Variants in RASGEF1C observed in about 807,000 individuals in gnomAD.
RASGEF1C encodes the protein RasGEF domain family member 1C, also known as ras-GEF domain-containing family member 1C.
A neutral mutation model predicts 58.1 loss-of-function variants in RASGEF1C; 27 were observed. The ratio of observed to expected loss-of-function variants is 0.46; its 90% CI spans 0.34 to 0.64. The LOEUF is 0.64. RASGEF1C is among the 30% of genes least tolerant of loss of function. RASGEF1C has a pLI of 0.01. For missense variants in RASGEF1C, 502 were observed against 605.1 expected (o/e 0.83, Z 1.79); for synonymous variants, 243 against 246.3 (o/e 0.99, Z 0.13).
chr5:180,130,629 C>A (rs2113269512), intron 4 of RASGEF1C, among the ~76,000 whole-genome samples: 1 of 152,346 alleles, frequency 6.6e-6, no homozygotes, highest in African/African-American at 2.4e-5. Context: ...GTTTCTCAGG[C>A]TGCGTCTTCC....
chr5:180,190,489 C>CAAAAAAAAAAAAAAAAAAAAAAA (rs869186264), intron 1 of RASGEF1C, among the ~76,000 whole-genome samples: 1 of 77,600 alleles, frequency 1.3e-5, no homozygotes, highest in African/African-American at 4.6e-5. Flanking sequence ...GACTCCGTCT[C>CAAAAAAAAAAAAAAAAAAAAAAA]AAAAAAAAAA....
At chr5:180,129,599 C>T (rs1766327913) in intron 4 of RASGEF1C, among the ~76,000 whole-genome samples, 1 of 152,208 alleles carries the variant, frequency 6.6e-6, no homozygotes, top group Non-Finnish European at 1.5e-5. Flanking sequence ...CTCTGTGTGT[C>T]TCAAAATCGC....
At chr5:180,167,474 G>A (rs1272979463) in intron 1 of RASGEF1C, among the ~76,000 whole-genome samples, 1 of 152,086 alleles carries the variant, frequency 6.6e-6, no homozygotes, top group East Asian at 1.9e-4. Context: ...GGGTGACAGA[G>A]TGAGACCCTG....
In RASGEF1C at chr5:180,101,060, T is replaced by C. The variant is rs766104196; in HGVS notation, c.*441A>G. On this transcript the variant is annotated 3_prime_UTR_variant, in exon 14 of 14. Transcript: ENST00000361132. Reference sequence around the variant, plus strand: ...TGGGCTCGGGGCTGGCGCAGGCATCTCACGTCGCACCGTGATGCCTGCTGT... The same window carrying C: ...TGGGCTCGGGGCTGGCGCAGGCATCCCACGTCGCACCGTGATGCCTGCTGT... The C allele has an allele frequency of 2.1e-4, 36 of 168,402 alleles. No individual in the cohort carries two copies. The highest frequency in any genetic ancestry group is 3.7e-4 in the South Asian group (2 of 5,340). 10.4% of individuals were successfully genotyped at this position (168,402 alleles called of 1,614,324 possible).
At chr5:180,136,732 T>A in intron 3 of RASGEF1C, 1 of 569,050 alleles carries the variant, frequency 1.8e-6, no homozygotes, top group Admixed American at 3.2e-5. Flanking sequence ...TGCTCTGGCC[T>A]TTCTGCGGTT....
intron 6 of RASGEF1C, among the ~76,000 whole-genome samples, chr5:180,124,563 G>A (rs1168387422): frequency 2.6e-5 from 4 of 151,996 alleles, no homozygotes; most frequent in Non-Finnish European, 2.9e-5. Flanking sequence ...AGTGGCTCAC[G>A]CCTGTAATCC....
intron 6 of RASGEF1C, among the ~76,000 whole-genome samples, chr5:180,121,784 G>T (rs1055518891): frequency 6.6e-6 from 1 of 152,062 alleles, no homozygotes; most frequent in African/African-American, 2.4e-5. Flanking sequence ...CTGTACACAC[G>T]TGTGCGGTGG....
At chr5:180,152,571 G>T (rs1191367847) in intron 1 of RASGEF1C, among the ~76,000 whole-genome samples, 22 of 111,336 alleles carry the variant, frequency 2.0e-4, no homozygotes, top group Non-Finnish European at 2.7e-4. Flanking sequence ...TGTGGGGTGG[G>T]GGGAGGGGGG....
rs116220894 is a variant in RASGEF1C at position 180,123,485 on chromosome 5, A to G, written c.715-2336T>C. ...CTTAAAAAATTTTTTGAAATAATCT[A>G]TGTTTCAAAGATGAAATCATAATGG... On this transcript the variant is annotated intron_variant, in intron 6 of 13. Coordinates refer to ENST00000361132, the MANE Select transcript of RASGEF1C (RefSeq NM_175062.4). Among the ~76,000 whole-genome samples, 486 of 152,330 alleles carry G rather than the reference A, an allele frequency of 3.2e-3. 2 individuals are homozygous for G. The highest frequency in any genetic ancestry group is 0.011 in the African/African-American group (464 of 41,568).
At chr5:180,190,469 G>A (rs1201148778) in intron 1 of RASGEF1C, among the ~76,000 whole-genome samples, 7 of 126,552 alleles carry the variant, frequency 5.5e-5, no homozygotes, top group African/African-American at 8.5e-5. Flanking sequence ...CAGACTGGGT[G>A]ACAGAGTGAG....
intron 1 of RASGEF1C, among the ~76,000 whole-genome samples, chr5:180,173,681 A>C (rs10059150): frequency 1.3e-5 from 2 of 151,284 alleles, no homozygotes; most frequent in African/African-American, 4.9e-5. Context: ...TTGGGAGGCC[A>C]AGGTGGGCAG....
chr5:180,126,355 G>A (rs183438558), intron 6 of RASGEF1C, among the ~76,000 whole-genome samples: 2,180 of 152,098 alleles, frequency 0.014, 22 homozygotes, highest in Non-Finnish European at 0.023. Context: ...TGCAGTGAGC[G>A]GAGACCGCGC....
chr5:180,160,743 G>C (rs17080050), intron 1 of RASGEF1C, among the ~76,000 whole-genome samples: 2,257 of 152,252 alleles, frequency 0.015, 58 homozygotes, highest in African/African-American at 0.052. Flanking sequence ...TCCAGTAAGG[G>C]TCTCACATCA....
chr5:180,109,861 C>T (rs1765929984), intron 12 of RASGEF1C, among the ~76,000 whole-genome samples: 1 of 152,138 alleles, frequency 6.6e-6, no homozygotes, highest in African/African-American at 2.4e-5. Flanking sequence ...GATTTTAGCC[C>T]AGAGAAACTC....
At position 180,198,384 on chromosome 5, in the gene RASGEF1C, C is replaced by T. The variant is rs1040191497; in HGVS notation, c.-7+10644G>A. 8.5e-5 allele frequency among the ~76,000 whole-genome samples: 13 copies of T among 152,306 alleles called. No homozygotes were observed. Among genetic ancestry groups the T allele is most frequent in the Middle Eastern group, 3.4e-3 (1 of 294 alleles). On this transcript the variant is annotated intron_variant, in intron 1 of 13. Coordinates refer to ENST00000361132, the MANE Select transcript of RASGEF1C (RefSeq NM_175062.4). The surrounding 1 kb of genome is among the most constrained non-coding windows in gnomAD (Gnocchi z 4.5). Reference sequence around the variant, plus strand: ...CTGGTGTCTGAGGCCCAGAGCAATCCTAGGACTGTAAGAGTCTCCCAGAGA... The same window carrying T: ...CTGGTGTCTGAGGCCCAGAGCAATCTTAGGACTGTAAGAGTCTCCCAGAGA...
intron 1 of RASGEF1C, among the ~76,000 whole-genome samples, chr5:180,179,196 G>A (rs1419513960): frequency 6.6e-6 from 1 of 152,160 alleles, no homozygotes; most frequent in Non-Finnish European, 1.5e-5. Context: ...CCGTGTTGAT[G>A]TTTGGATGCA....
At chr5:180,103,305 C>A (rs1398073541) in intron 12 of RASGEF1C, among the ~76,000 whole-genome samples, 1 of 152,204 alleles carries the variant, frequency 6.6e-6, no homozygotes, top group East Asian at 1.9e-4. Context: ...TCTCGATCTC[C>A]TGACCTTGTG....
chr5:180,174,106 A>T (rs778780390), intron 1 of RASGEF1C, among the ~76,000 whole-genome samples: 1 of 151,930 alleles, frequency 6.6e-6, no homozygotes, highest in East Asian at 1.9e-4. Flanking sequence ...CACTCAGTGC[A>T]TGGAGCCTGG....
intron 1 of RASGEF1C, among the ~76,000 whole-genome samples, chr5:180,208,776 G>C (rs1424246072): frequency 6.6e-6 from 1 of 151,746 alleles, no homozygotes; most frequent in Non-Finnish European, 1.5e-5. Flanking sequence ...GGCTGGCGGC[G>C]CGCGGCAGAG....
Sources: allele counts gnomAD v4.1 joint callset (sites outside exome capture counted in the v4.1 genomes callset), GRCh38; gene constraint gnomAD v4.1.1; non-coding constraint Gnocchi (gnomAD v3.1); transcripts MANE v1.5; gene names NCBI Gene and HGNC (gene_info 2026-07-23, HGNC 2026-07-21).